The following ZNF385D variants were observed in gnomAD, a reference collection of about 807,000 sequenced individuals.
ZNF385D encodes zinc finger protein 385D, also known as zinc finger protein 659.
ZNF385D carries 15 observed loss-of-function variants against 35.8 expected under a neutral mutation model. The ratio of observed to expected loss-of-function variants is 0.42; its 90% CI spans 0.28 to 0.64. The LOEUF (loss-of-function observed/expected upper bound fraction) is 0.64, where lower values mean the gene tolerates loss of function less well. Ranked by LOEUF, ZNF385D falls within the 30% of genes least tolerant of loss-of-function variation. The probability of loss-of-function intolerance (pLI) is 0.23; values close to 1 mark genes in which losing one functional copy is unlikely to be tolerated. For synonymous variants in ZNF385D, 212 were observed against 186.8 expected, an observed-to-expected ratio of 1.13 and a Z score of -1.10; for missense variants, 474 against 494.6, an observed-to-expected ratio of 0.96 and a Z score of 0.39.
At chr3:21,679,698 A>ATGGAAGGAAGGAGGTT (rs2066840116) in intron 1 of ZNF385D, among the ~76,000 whole-genome samples, 1 of 152,050 alleles carries the variant, frequency 6.6e-6, no homozygotes, top group Non-Finnish European at 1.5e-5. Context: ...AAAGGAAGGG[A>ATGGAAGGAAGGAGGTT]TGGAAGGAAG....
At position 21,543,575 on chromosome 3, in the gene ZNF385D, G is replaced by C. The variant is rs2062261355; in HGVS notation, c.276+20999C>G. Among the ~76,000 whole-genome samples the C allele has an allele frequency of 2.0e-5, 3 of 152,116 alleles. No homozygotes were observed. In the South Asian group the frequency reaches 6.2e-4, roughly 32 times the overall value. ...TGCAGCCTTCCCCTTCCCCACCCAA[G>C]GGGTTCTACTCCATCCGACAGTAAT... On this transcript the variant is annotated intron_variant, in intron 3 of 7. Coordinates refer to ENST00000281523, the MANE Select transcript of ZNF385D (RefSeq NM_024697.3).
At chr3:22,015,728 G>A (rs1559850532) in intron 3 of ZNF385D, among the ~76,000 whole-genome samples, 1 of 152,078 alleles carries the variant, frequency 6.6e-6, no homozygotes, top group African/African-American at 2.4e-5. Context: ...TACTACCATA[G>A]TATGTTCTTT....
intron 3 of ZNF385D, among the ~76,000 whole-genome samples, chr3:21,776,896 T>C (rs1469393122): frequency 6.6e-6 from 1 of 151,878 alleles, no homozygotes; most frequent in Non-Finnish European, 1.5e-5. Context: ...GGTTTTAGAG[T>C]GAATACTAGT....
intron 2 of ZNF385D, among the ~76,000 whole-genome samples, chr3:22,319,085 A>G (rs546757258): frequency 6.6e-6 from 1 of 152,298 alleles, no homozygotes; most frequent in South Asian, 2.1e-4. Flanking sequence ...AGCATAAAAC[A>G]AAAGCCAAAT....
chr3:21,438,441 C>T (rs1701684953), intron 4 of ZNF385D, among the ~76,000 whole-genome samples: 1 of 152,152 alleles, frequency 6.6e-6, no homozygotes, highest in Non-Finnish European at 1.5e-5. Flanking sequence ...TAAATGCTTA[C>T]TTCTTGTTAG....
chr3:21,617,365 T>C (rs1169142278), intron 2 of ZNF385D, among the ~76,000 whole-genome samples: 2 of 152,212 alleles, frequency 1.3e-5, no homozygotes, highest in African/African-American at 2.4e-5. Context: ...AGCTCTGTTA[T>C]TCACTAGCTA....
At chr3:21,750,863 C>A in intron 1 of ZNF385D, 32 bp downstream of exon 1, 1 of 1,613,660 alleles carries the variant, frequency 6.2e-7, no homozygotes, top group South Asian at 1.1e-5. Context: ...GCCGGACACC[C>A]CCAGAATTAC....
intron 3 of ZNF385D, among the ~76,000 whole-genome samples, chr3:21,543,422 G>A (rs946716433): frequency 4.6e-5 from 7 of 151,972 alleles, no homozygotes; most frequent in Non-Finnish European, 8.8e-5. Flanking sequence ...GCCTTTTCAC[G>A]GTCTTTTCCT....
chr3:21,855,474 T>C (rs1047822811), intron 3 of ZNF385D, among the ~76,000 whole-genome samples: 1 of 152,056 alleles, frequency 6.6e-6, no homozygotes. Flanking sequence ...TCGGCATCTC[T>C]ACTGTTTTAA....
At chr3:22,172,413 T>C (rs955501040) in intron 2 of ZNF385D, among the ~76,000 whole-genome samples, 3 of 152,218 alleles carry the variant, frequency 2.0e-5, no homozygotes, top group Admixed American at 6.5e-5. Flanking sequence ...GTGAGTTAAT[T>C]TGAGAAAAAA....
chr3:21,423,913 A>G (rs761965892), intron 7 of ZNF385D, 50 bp downstream of exon 7: 14 of 1,557,240 alleles, frequency 9.0e-6, no homozygotes, highest in Admixed American at 1.8e-5. Flanking sequence ...TCAAGAAACC[A>G]ATAATTCCAT....
chr3:22,266,033 T>C (rs1700879742), intron 2 of ZNF385D, among the ~76,000 whole-genome samples: 1 of 152,006 alleles, frequency 6.6e-6, no homozygotes, highest in Non-Finnish European at 1.5e-5. Context: ...CTTTCCCATT[T>C]TCAAAATGCC....
chr3:21,822,074 A>T (rs886520760), intron 3 of ZNF385D, among the ~76,000 whole-genome samples: 9 of 151,598 alleles, frequency 5.9e-5, no homozygotes, highest in Admixed American at 2.6e-4. Context: ...AGTTAAAATA[A>T]TTTTTTTTCT....
chr3:22,226,683 A>C (rs972130489), intron 2 of ZNF385D, among the ~76,000 whole-genome samples: 1 of 152,126 alleles, frequency 6.6e-6, no homozygotes, highest in South Asian at 2.1e-4. Flanking sequence ...CCTCTTTTGA[A>C]GTCTAGGTCA....
chr3:22,169,011 T>G (rs1475096444), exon 3 of ZNF385D: 3 of 985,730 alleles, frequency 3.0e-6, no homozygotes, highest in Non-Finnish European at 3.6e-6. Context: ...AGCCTCACTC[T>G]CGCCATCGTG....
chr3:21,496,433 CATATATAT>C (rs560263090), intron 4 of ZNF385D, among the ~76,000 whole-genome samples: 100 of 134,976 alleles, frequency 7.4e-4, no homozygotes, highest in Non-Finnish European at 9.4e-4. Context: ...ATCATATATA[CATATATAT>C]ACACACATAT....
chr3:22,211,990 A>G (rs1697552549), intron 2 of ZNF385D, among the ~76,000 whole-genome samples: 1 of 152,004 alleles, frequency 6.6e-6, no homozygotes, highest in Non-Finnish European at 1.5e-5. Flanking sequence ...TGCCCTACAA[A>G]TAATTTGGGG....
intron 3 of ZNF385D, among the ~76,000 whole-genome samples, chr3:21,787,884 G>C (rs2071757836): frequency 6.7e-6 from 1 of 148,214 alleles, no homozygotes; most frequent in Admixed American, 6.9e-5. Flanking sequence ...GGAGCTTGCA[G>C]AGAGGCGAGA....
chr3:22,369,497 G>C (rs896743338), intron 2 of ZNF385D, among the ~76,000 whole-genome samples: 1 of 151,856 alleles, frequency 6.6e-6, no homozygotes. Context: ...AACTCTCTAG[G>C]CAAGTTATTA....
Sources: gnomAD v4.1 joint callset for allele counts (sites outside exome capture counted in the v4.1 genomes callset) on GRCh38, gnomAD v4.1.1 for gene constraint, MANE v1.5 for transcripts, NCBI Gene and HGNC (gene_info 2026-07-23, HGNC 2026-07-21) for gene names.